Variants in CAPZA1 observed in about 807,000 individuals in gnomAD.
CAPZA1 encodes F-actin-capping protein subunit alpha-1.
Under a neutral mutation model 40.8 loss-of-function variants are expected in CAPZA1, and 10 were observed. That is an observed-to-expected ratio of 0.25 (90% CI 0.15 to 0.42). The LOEUF is 0.42. CAPZA1 is among the 10% of genes least tolerant of loss of function. The probability of loss-of-function intolerance (pLI) is 1.00; values close to 1 mark genes in which losing one functional copy is unlikely to be tolerated. For synonymous variants in CAPZA1, 98 were observed against 115.0 expected, an observed-to-expected ratio of 0.85 and a Z score of 0.95; for missense variants, 277 against 353.8, an observed-to-expected ratio of 0.78 and a Z score of 1.74.
intron 2 of CAPZA1, 126 bp downstream of exon 2, chr1:112,647,399 A>G: frequency 2.0e-6 from 1 of 499,680 alleles, no homozygotes; most frequent in Non-Finnish European, 3.3e-6. Flanking sequence ...AAAAAATTGA[A>G]ATAACTTGTC....
chr1:112,658,709 C>A (rs1570722933), intron 5 of CAPZA1, among the ~76,000 whole-genome samples: 2 of 152,332 alleles, frequency 1.3e-5, no homozygotes, highest in South Asian at 2.1e-4. Flanking sequence ...TCCTTAGTTT[C>A]CTGTCTTGCC....
intron 1 of CAPZA1, among the ~76,000 whole-genome samples, chr1:112,629,250 C>T (rs1396705003): frequency 6.6e-6 from 1 of 152,196 alleles, no homozygotes; most frequent in Admixed American, 6.5e-5. Context: ...CTCTGGAGTT[C>T]TTTTCCTTCT....
intron 2 of CAPZA1, among the ~76,000 whole-genome samples, chr1:112,647,851 A>G (rs997317277): frequency 6.6e-6 from 1 of 152,220 alleles, no homozygotes; most frequent in Non-Finnish European, 1.5e-5. Flanking sequence ...ACAACTTTCC[A>G]TACTATCTGC....
chr1:112,653,875 G>A (rs189358782), intron 4 of CAPZA1, among the ~76,000 whole-genome samples: 122 of 152,290 alleles, frequency 8.0e-4, no homozygotes, highest in African/African-American at 2.6e-3. Context: ...CAAGAACAGT[G>A]AAAATGGAAG....
At chr1:112,648,303 A>C (rs1251507832) in intron 2 of CAPZA1, among the ~76,000 whole-genome samples, 1 of 151,688 alleles carries the variant, frequency 6.6e-6, no homozygotes, top group Non-Finnish European at 1.5e-5. Flanking sequence ...GACTAAATGT[A>C]AATTCTTAGT....
intron 7 of CAPZA1, among the ~76,000 whole-genome samples, chr1:112,664,367 C>T (rs1570727101): frequency 1.3e-5 from 2 of 152,054 alleles, no homozygotes; most frequent in Non-Finnish European, 2.9e-5. Flanking sequence ...TTATGCCCTT[C>T]TAATGATATC....
chr1:112,646,198 A>G (rs955113606), intron 1 of CAPZA1, among the ~76,000 whole-genome samples: 1 of 152,220 alleles, frequency 6.6e-6, no homozygotes, highest in African/African-American at 2.4e-5. Context: ...GAATAACAGG[A>G]GAAATATTTT....
chr1:112,669,888 C>A, intron 9 of CAPZA1, 104 bp from the exon 10 acceptor site: 2 of 1,251,860 alleles, frequency 1.6e-6, no homozygotes, highest in Non-Finnish European at 2.3e-6. Context: ...CCTGTCTATC[C>A]TTCACAGGGG....
At chr1:112,656,026 A>C (rs1412934091) in intron 5 of CAPZA1, among the ~76,000 whole-genome samples, 1 of 152,250 alleles carries the variant, frequency 6.6e-6, no homozygotes, top group Non-Finnish European at 1.5e-5. Context: ...TGAAATATGT[A>C]TACATTGTGG....
chr1:112,639,829 C>T (rs1570708554), intron 1 of CAPZA1, among the ~76,000 whole-genome samples: 1 of 149,674 alleles, frequency 6.7e-6, no homozygotes, highest in African/African-American at 2.5e-5. Context: ...TGAGGAGCCC[C>T]TCTGCCCGGC....
chr1:112,641,659 C>T (rs1671167751), intron 1 of CAPZA1, among the ~76,000 whole-genome samples: 2 of 151,720 alleles, frequency 1.3e-5, no homozygotes, highest in South Asian at 4.2e-4. Flanking sequence ...GGAGGTGAGG[C>T]GGGTGGATCA....
chr1:112,659,323 C>T, intron 6 of CAPZA1: 1 of 550,102 alleles, frequency 1.8e-6, no homozygotes, highest in Non-Finnish European at 3.2e-6. Flanking sequence ...AGTAAAGTGC[C>T]CTGTTGAAAA....
At chr1:112,662,653 T>C (rs1371525310) in intron 7 of CAPZA1, among the ~76,000 whole-genome samples, 2 of 151,908 alleles carry the variant, frequency 1.3e-5, no homozygotes, top group African/African-American at 2.4e-5. Flanking sequence ...CTCCCTCAGC[T>C]TCCCAAAATG....
At chr1:112,666,835 A>C in intron 7 of CAPZA1, 1 of 470,270 alleles carries the variant, frequency 2.1e-6, no homozygotes, top group Non-Finnish European at 3.8e-6. Context: ...GCATGTAATA[A>C]ATGTTTCTTG....
At position 112,625,001 on chromosome 1, in the gene CAPZA1, C is replaced by T. The variant is rs139122843; in HGVS notation, c.39+5118C>T. 3.9e-5 allele frequency among the ~76,000 whole-genome samples: 6 copies of T among 152,302 alleles called. No individual in the cohort carries two copies. In the East Asian group the frequency reaches 7.7e-4, roughly 20 times the overall value. Reference sequence around the variant, plus strand: ...CATAGTGCCAAGCACACAGTGTATGCACAGCCTATTGGTATGAAAGAGAAC... The same window carrying T: ...CATAGTGCCAAGCACACAGTGTATGTACAGCCTATTGGTATGAAAGAGAAC... On this transcript the variant is annotated intron_variant, in intron 1 of 9. Transcript: ENST00000263168.
At chr1:112,666,066 G>A (rs1671718194) in intron 7 of CAPZA1, among the ~76,000 whole-genome samples, 1 of 151,960 alleles carries the variant, frequency 6.6e-6, no homozygotes, top group Non-Finnish European at 1.5e-5. Context: ...TTAAACTTCT[G>A]GCCTCAAGTG....
chr1:112,646,213 A>G (rs1229501263), intron 1 of CAPZA1, among the ~76,000 whole-genome samples: 1 of 152,228 alleles, frequency 6.6e-6, no homozygotes, highest in African/African-American at 2.4e-5. Flanking sequence ...TATTTTCCAT[A>G]GCATTCCTTG....
chr1:112,640,603 G>T (rs1183914112), intron 1 of CAPZA1, among the ~76,000 whole-genome samples: 1 of 149,254 alleles, frequency 6.7e-6, no homozygotes, highest in Admixed American at 6.7e-5. Flanking sequence ...GAGGTGGGGG[G>T]GTCAGCCCCC....
intron 5 of CAPZA1, among the ~76,000 whole-genome samples, chr1:112,657,432 T>C (rs1414647269): frequency 6.6e-6 from 1 of 152,214 alleles, no homozygotes; most frequent in Non-Finnish European, 1.5e-5. Context: ...TACTTTAGTC[T>C]CCATTCTACA....
Sources: allele counts gnomAD v4.1 joint callset (sites outside exome capture counted in the v4.1 genomes callset), GRCh38; gene constraint gnomAD v4.1.1; transcripts MANE v1.5; gene names NCBI Gene and HGNC (gene_info 2026-07-23, HGNC 2026-07-21).